Variants in ZNF284 observed in about 807,000 individuals in gnomAD.
ZNF284 encodes the protein zinc finger protein 284.
In ZNF284, 12 loss-of-function variants were observed where a neutral mutation model predicts 12.9. The observed-to-expected ratio is 0.93, with a 90% CI of 0.60 to 1.51. The LOEUF is 1.51. Ranked by LOEUF, ZNF284 falls within the 40% of genes most tolerant of loss-of-function variation. The pLI is 0.00. For missense variants in ZNF284, 667 were observed against 707.3 expected, an observed-to-expected ratio of 0.94 and a Z score of 0.65; for synonymous variants, 225 against 236.5, an observed-to-expected ratio of 0.95 and a Z score of 0.45.
intron 4 of ZNF284, among the ~76,000 whole-genome samples, chr19:44,082,771 A>G (rs1310924515): frequency 2.0e-5 from 3 of 151,386 alleles, no homozygotes; most frequent in East Asian, 1.9e-4. Context: ...CCATTCTTCC[A>G]TAGTCATCTG....
chr19:44,075,619 A>G (rs1410589755), intron 1 of ZNF284, among the ~76,000 whole-genome samples: 2 of 152,218 alleles, frequency 1.3e-5, no homozygotes, highest in Non-Finnish European at 2.9e-5. Context: ...TGATTAGTGG[A>G]CATTCTACTG....
chr19:44,082,069 A>T lies in ZNF284; in HGVS notation c.199A>T (p.Ile67Phe). 1.9e-6 allele frequency: 3 copies of T among 1,613,674 alleles called. No homozygotes were observed. Among genetic ancestry groups the T allele is most frequent in the Non-Finnish European group, 8.5e-7 (1 of 1,179,844 alleles). ...CTTCCAAAGAGAAGAAAAGTTTTGG[A>T]TCATGGAGACAGCAACCCAAAGAGA... is the stretch of plus-strand genomic sequence containing the variant. ...FHFQREEKFW[I>F]METATQREGN... Residue 67 changes from isoleucine (I) to phenylalanine (F), a missense_variant, in exon 4 of 5, where the codon ATC becomes TTC. By Grantham distance (21) the Ile-to-Phe change is conservative. Transcript: ENST00000421176.
At chr19:44,083,076 C>G (rs1008000627) in intron 4 of ZNF284, among the ~76,000 whole-genome samples, 2 of 152,080 alleles carry the variant, frequency 1.3e-5, no homozygotes, top group Non-Finnish European at 2.9e-5. Flanking sequence ...GACCTTCTGA[C>G]CCTTCCTTTA....
chr19:44,075,180 T>G (rs1271808979), intron 1 of ZNF284, among the ~76,000 whole-genome samples: 1 of 152,180 alleles, frequency 6.6e-6, no homozygotes, highest in Non-Finnish European at 1.5e-5. Flanking sequence ...CTTCTTTTGG[T>G]CCTTATAACT....
At chr19:44,074,656 T>A (rs1415412122) in intron 1 of ZNF284, among the ~76,000 whole-genome samples, 1 of 152,050 alleles carries the variant, frequency 6.6e-6, no homozygotes, top group Non-Finnish European at 1.5e-5. Context: ...GGGTTTCACA[T>A]AACATGCTAG....
intron 2 of ZNF284, among the ~76,000 whole-genome samples, chr19:44,076,866 C>G (rs1967037720): frequency 6.8e-6 from 1 of 147,874 alleles, no homozygotes; most frequent in Admixed American, 6.8e-5. Flanking sequence ...GTTGCCCAGA[C>G]TGGAGTGTGG....
Position 44,089,498 on chromosome 19 carries a change from T to C in ZNF284, c.*2238T>C, listed in dbSNP as rs1007383439. 6.6e-5 allele frequency: 10 copies of C among 152,206 alleles called. No homozygotes were observed. The highest frequency in any genetic ancestry group is 2.4e-4 in the African/African-American group (10 of 41,450). The allele number at this position is 152,206 out of a possible 1,614,324, so 9.4% of individuals were successfully genotyped here. A position where few individuals can be genotyped will look rare whatever the true frequency, so the allele number is the denominator to read the frequency against. On this transcript the variant is annotated 3_prime_UTR_variant, in exon 5 of 5. Coordinates refer to ENST00000421176, the MANE Select transcript of ZNF284 (RefSeq NM_001037813.4). Reference sequence around the variant, plus strand: ...TTTTTATAGAGTGTCTCCCCTGTAATGTCTCTGGTTAAATGAAAGGGTTTC... The same window carrying C: ...TTTTTATAGAGTGTCTCCCCTGTAACGTCTCTGGTTAAATGAAAGGGTTTC...
At chr19:44,080,258 C>T (rs977720354) in intron 2 of ZNF284, among the ~76,000 whole-genome samples, 4 of 152,132 alleles carry the variant, frequency 2.6e-5, no homozygotes, top group African/African-American at 9.7e-5. Flanking sequence ...CACTCCATGG[C>T]TGTCCCACAC....
In ZNF284 at chr19:44,086,035, A is replaced by G. The variant is rs1325694736; in HGVS notation, c.557A>G (p.Tyr186Cys). 6.8e-6 allele frequency: 11 copies of G among 1,614,204 alleles called. No individual in the cohort carries two copies. The highest frequency in any genetic ancestry group is 9.3e-6 in the Non-Finnish European group (11 of 1,180,024). Residue 186 changes from tyrosine to cysteine, a missense_variant, in exon 5 of 5, where the codon TAT (tyrosine) becomes TGT (cysteine). Coordinates refer to ENST00000421176, the MANE Select transcript of ZNF284 (RefSeq NM_001037813.4). Reference protein sequence around the residue: ...TCNEYRKRFCYSSALCLHQKV... With the variant: ...TCNEYRKRFCCSSALCLHQKV... Reference sequence around the variant, plus strand: ...AATGAGTACAGGAAGAGATTCTGTTATAGCTCAGCTCTTTGTCTTCATCAG... The same window carrying G: ...AATGAGTACAGGAAGAGATTCTGTTGTAGCTCAGCTCTTTGTCTTCATCAG...
rs1967291410 is a variant in ZNF284, at chr19:44,087,943, TATGCG to T, written c.*684_*688del. Reference sequence around the variant, plus strand: ...CGCCACCACACCTGACTAATTGTTGTATGCGTAGTAGAGATGGGGTTTTGCCATAT... The same window carrying T: ...CGCCACCACACCTGACTAATTGTTGTTAGTAGAGATGGGGTTTTGCCATAT... On this transcript the variant is annotated 3_prime_UTR_variant, in exon 5 of 5. Transcript: ENST00000421176. 6.6e-6 allele frequency: 1 copy of T among 151,968 alleles called. No homozygotes were observed. Among genetic ancestry groups the T allele is most frequent in the Admixed American group, 6.6e-5 (1 of 15,250 alleles). The allele number at this position is 151,968 out of a possible 1,614,324, so 9.4% of individuals were successfully genotyped here. A position where few individuals can be genotyped will look rare whatever the true frequency, so the allele number is the denominator to read the frequency against.
In ZNF284 at chr19:44,083,474, T is replaced by TATATAG. The variant is rs746837013; in HGVS notation, c.235+1370_235+1371insTATAGA. Among the ~76,000 whole-genome samples, 529 of 64,842 alleles carry TATATAG rather than the reference T, an allele frequency of 8.2e-3. 9 individuals carry two copies. The highest frequency in any genetic ancestry group is 0.019 in the African/African-American group (389 of 20,128). The allele number at this position is 64,842 out of a possible 152,430, so 42.5% of individuals were successfully genotyped here. A position where few individuals can be genotyped will look rare whatever the true frequency, so the allele number is the denominator to read the frequency against. On this transcript the variant is annotated intron_variant, in intron 4 of 4. Coordinates refer to ENST00000421176, the MANE Select transcript of ZNF284 (RefSeq NM_001037813.4). ...AAATATATATATATATATATATATA[T>TATATAG]AGAGAGAGAGAGAGAGAGAGAGAGA... is the stretch of plus-strand genomic sequence containing the variant.
Position 44,087,271 on chromosome 19 carries a change from TA to T in ZNF284, c.*12del. On this transcript the variant is annotated 3_prime_UTR_variant, in exon 5 of 5. Transcript: ENST00000421176. ...TTAAATGATATATAATTATTGTCCA[TA>T]TTTATGGGTTACAGCATATTTCAAT... is the stretch of plus-strand genomic sequence containing the variant. 1.3e-6 allele frequency: 2 copies of T among 1,496,070 alleles called. No homozygotes were observed. Among genetic ancestry groups the T allele is most frequent in the Non-Finnish European group, 1.8e-6 (2 of 1,115,036 alleles). The allele number at this position is 1,496,070 out of a possible 1,614,324, so 92.7% of individuals were successfully genotyped here.
chr19:44,083,869 C>T (rs1236538507), intron 4 of ZNF284, among the ~76,000 whole-genome samples: 5 of 152,010 alleles, frequency 3.3e-5, no homozygotes, highest in Non-Finnish European at 7.4e-5. Context: ...TGAGTGTCAG[C>T]GGTGATGGTG....
rs1967312800 is a variant in ZNF284, at chr19:44,089,444, A to G, written c.*2184A>G. The G allele has an allele frequency of 6.6e-6, 1 of 152,212 alleles. No individual in the cohort carries two copies. The highest frequency in any genetic ancestry group is 6.5e-5 in the Admixed American group (1 of 15,274). The allele number at this position is 152,212 out of a possible 1,614,324, so 9.4% of individuals were successfully genotyped here. ...AAATATTGGCATAAAGATGAACATA[A>G]CATAAGCAGGAATATTTAAAGCACA... is the stretch of plus-strand genomic sequence containing the variant. On this transcript the variant is annotated 3_prime_UTR_variant, in exon 5 of 5. Coordinates refer to ENST00000421176, the MANE Select transcript of ZNF284 (RefSeq NM_001037813.4).
intron 3 of ZNF284, among the ~76,000 whole-genome samples, chr19:44,081,781 C>T (rs1024961397): frequency 6.6e-6 from 1 of 151,918 alleles, no homozygotes; most frequent in Non-Finnish European, 1.5e-5. Flanking sequence ...CTCGTGAGAA[C>T]TCATCCACTA....
chr19:44,072,556 T>C (rs1188745423), intron 1 of ZNF284, among the ~76,000 whole-genome samples: 3 of 152,224 alleles, frequency 2.0e-5, no homozygotes, highest in African/African-American at 7.2e-5. Context: ...ATGGGGACTT[T>C]AGGACCATCC....
chr19:44,073,827 C>G (rs982026052), intron 1 of ZNF284, among the ~76,000 whole-genome samples: 1 of 151,798 alleles, frequency 6.6e-6, no homozygotes, highest in Non-Finnish European at 1.5e-5. Context: ...GGATTACAGG[C>G]GTGAGCCACC....
chr19:44,076,457 T>C (rs1967029166), intron 2 of ZNF284, 53 bp downstream of exon 2: 2 of 1,578,068 alleles, frequency 1.3e-6, no homozygotes, highest in South Asian at 1.2e-5. Context: ...CTACTTAAGA[T>C]TGTCACATGT....
chr19:44,076,617 T>C (rs976579817), intron 2 of ZNF284, among the ~76,000 whole-genome samples: 1 of 152,216 alleles, frequency 6.6e-6, no homozygotes, highest in African/African-American at 2.4e-5. Context: ...AGTAGAAATT[T>C]AGTGGGAAGG....
Sources: gnomAD v4.1 joint callset for allele counts (sites outside exome capture counted in the v4.1 genomes callset) on GRCh38, gnomAD v4.1.1 for gene constraint, MANE v1.5 for transcripts, NCBI Gene and HGNC (gene_info 2026-07-23, HGNC 2026-07-21) for gene names.